HHAT: variants seen among roughly 807,000 people sequenced by gnomAD.
HHAT encodes the protein protein-cysteine N-palmitoyltransferase HHAT.
Under a neutral mutation model 70.8 loss-of-function variants are expected in HHAT, and 47 were observed. That is an observed-to-expected ratio of 0.66 (90% CI 0.53 to 0.85). The LOEUF is 0.85. Among genes scored for constraint, HHAT ranks in the 40% least tolerant of loss-of-function variants. The probability of loss-of-function intolerance (pLI) is 0.00; values close to 1 mark genes in which losing one functional copy is unlikely to be tolerated. For missense variants in HHAT, 609 were observed against 604.8 expected (o/e 1.01, Z -0.07); for synonymous variants, 228 against 247.6 (o/e 0.92, Z 0.74).
At chr1:210,407,143 C>G (rs1033490) in intron 6 of HHAT, among the ~76,000 whole-genome samples, 73,917 of 151,792 alleles carry the variant, frequency 0.49, 20,461 homozygotes, top group African/African-American at 0.77. Context: ...TTTAAAGGGG[C>G]AGGGGGTTAA....
chr1:210,370,044 C>T (rs1236531161), intron 3 of HHAT, among the ~76,000 whole-genome samples: 1 of 151,840 alleles, frequency 6.6e-6, no homozygotes, highest in Non-Finnish European at 1.5e-5. Flanking sequence ...CTGTCTCTCT[C>T]TTCTTTCTCT....
At chr1:210,544,194 T>C (rs1014265618) in intron 9 of HHAT, among the ~76,000 whole-genome samples, 7 of 151,722 alleles carry the variant, frequency 4.6e-5, no homozygotes, top group African/African-American at 1.5e-4. Flanking sequence ...TCTCTCAAGC[T>C]CTAGGCATCG....
At chr1:210,424,657 A>G (rs932850132) in intron 7 of HHAT, among the ~76,000 whole-genome samples, 4 of 151,936 alleles carry the variant, frequency 2.6e-5, no homozygotes, top group Admixed American at 6.6e-5. Context: ...AGCTCCAACC[A>G]TGTCCCTGCA....
intron 9 of HHAT, among the ~76,000 whole-genome samples, chr1:210,573,508 C>G (rs1656857201): frequency 6.6e-6 from 1 of 152,148 alleles, no homozygotes; most frequent in African/African-American, 2.4e-5. Flanking sequence ...ACTGACAGGC[C>G]CAGCCATGGT....
At chr1:210,434,415 G>A (rs2093327361) in intron 7 of HHAT, among the ~76,000 whole-genome samples, 1 of 151,866 alleles carries the variant, frequency 6.6e-6, no homozygotes, top group Non-Finnish European at 1.5e-5. Context: ...ATGCAGGAAT[G>A]TTCAGGAAGA....
At chr1:210,559,219 A>T (rs140418536) in intron 9 of HHAT, among the ~76,000 whole-genome samples, 281 of 152,314 alleles carry the variant, frequency 1.8e-3, no homozygotes, top group African/African-American at 6.5e-3. Context: ...GTAATCTAAA[A>T]GTATTTACCT....
At chr1:210,523,031 C>T (rs184275356) in intron 9 of HHAT, among the ~76,000 whole-genome samples, 1 of 152,250 alleles carries the variant, frequency 6.6e-6, no homozygotes, top group Admixed American at 6.5e-5. Context: ...TCTTTCCGAC[C>T]AGGTTGTCCG....
intron 3 of HHAT, 81 bp downstream of exon 3, chr1:210,363,000 C>A (rs2088522566): frequency 8.5e-7 from 1 of 1,178,690 alleles, no homozygotes; most frequent in Non-Finnish European, 1.3e-6. Context: ...TGGAGTCGAT[C>A]CAGGTATCAG....
At chr1:210,531,317 A>G (rs1179730318) in intron 9 of HHAT, among the ~76,000 whole-genome samples, 1 of 152,262 alleles carries the variant, frequency 6.6e-6, no homozygotes, top group African/African-American at 2.4e-5. Context: ...TGTGTGTTAT[A>G]GAACAGTCTG....
At chr1:210,596,480 G>C (rs4845062) in intron 10 of HHAT, among the ~76,000 whole-genome samples, 6 of 151,930 alleles carry the variant, frequency 3.9e-5, no homozygotes, top group Non-Finnish European at 8.8e-5. Flanking sequence ...TTTCGAGGCT[G>C]TTTTCTAGAT....
At chr1:210,449,315 A>G (rs544044009) in intron 7 of HHAT, among the ~76,000 whole-genome samples, 9 of 152,074 alleles carry the variant, frequency 5.9e-5, no homozygotes, top group African/African-American at 2.2e-4. Flanking sequence ...TCTTTCAAAA[A>G]CACAAAATAA....
At chr1:210,582,585 C>A (rs553768066) in intron 9 of HHAT, among the ~76,000 whole-genome samples, 5 of 152,278 alleles carry the variant, frequency 3.3e-5, no homozygotes, top group Admixed American at 2.0e-4. Context: ...ATTGTTACCA[C>A]CCCTGTCTCC....
At chr1:210,333,755 T>C (rs2147909879) in intron 1 of HHAT, among the ~76,000 whole-genome samples, 1 of 152,136 alleles carries the variant, frequency 6.6e-6, no homozygotes, top group African/African-American at 2.4e-5. Context: ...CCTCCCGAGT[T>C]CAAGCAATTC....
At chr1:210,561,903 A>T (rs2095626368) in intron 9 of HHAT, among the ~76,000 whole-genome samples, 1 of 152,186 alleles carries the variant, frequency 6.6e-6, no homozygotes. Flanking sequence ...CATTTTCCTC[A>T]ATGTGTCCAG....
chr1:210,571,892 T>C (rs1450856078), intron 9 of HHAT, among the ~76,000 whole-genome samples: 6 of 152,246 alleles, frequency 3.9e-5, no homozygotes, highest in Non-Finnish European at 8.8e-5. Flanking sequence ...CCTCTATCTG[T>C]AAAATGCCAG....
At chr1:210,643,908 T>A (rs1673476282) in intron 11 of HHAT, among the ~76,000 whole-genome samples, 1 of 124,898 alleles carries the variant, frequency 8.0e-6, no homozygotes, top group Non-Finnish European at 1.8e-5. Context: ...TTTTGAAATT[T>A]TTATTTTATG....
rs80280133 is a variant in HHAT at position 210,420,315 on chromosome 1, T to C, written c.856+1990T>C. 8.7e-3 allele frequency among the ~76,000 whole-genome samples: 1,328 copies of C among 152,326 alleles called. 30 individuals carry two copies. Among genetic ancestry groups the C allele is most frequent in the African/African-American group, 0.03 (1,247 of 41,550 alleles). On this transcript the variant is annotated intron_variant, in intron 7 of 11. Transcript: ENST00000261458. ...TGAGAAGCATTCATGTTAAGACATG[T>C]AACTAGGTAGCACTTATTTTCACTG...
chr1:210,461,554 A>G (rs1275185911), intron 7 of HHAT, among the ~76,000 whole-genome samples: 2 of 152,132 alleles, frequency 1.3e-5, no homozygotes, highest in Non-Finnish European at 2.9e-5. Flanking sequence ...TGCCTGCCTC[A>G]GCCTCCCAAA....
rs1448607220 is a variant in HHAT, at chr1:210,675,694, G to A, written c.*1315G>A. On this transcript the variant is annotated 3_prime_UTR_variant, in exon 12 of 12. Transcript: ENST00000261458. ...TGAGGCTTTAGCTCCTAGAGTACAG[G>A]ACCATTTTGTTGATTGTCTTTCTTC... The A allele has an allele frequency of 6.6e-6, 1 of 152,158 alleles. No homozygotes were observed. The highest frequency in any genetic ancestry group is 2.4e-5 in the African/African-American group (1 of 41,444). The allele number at this position is 152,158 out of a possible 1,614,324, so 9.4% of individuals were successfully genotyped here.
Sources: allele counts gnomAD v4.1 joint callset (sites outside exome capture counted in the v4.1 genomes callset), GRCh38; gene constraint gnomAD v4.1.1; transcripts MANE v1.5; gene names NCBI Gene and HGNC (gene_info 2026-07-23, HGNC 2026-07-21).